The following PLXNA4 variants were observed in gnomAD, a reference collection of about 807,000 sequenced individuals.
PLXNA4 encodes the protein plexin-A4.
PLXNA4 carries 44 observed loss-of-function variants against 191.8 expected under a neutral mutation model. The ratio of observed to expected loss-of-function variants is 0.23; its 90% CI spans 0.18 to 0.29. PLXNA4 has a LOEUF of 0.29. Ranked by LOEUF, PLXNA4 falls within the 10% of genes least tolerant of loss-of-function variation. The probability of loss-of-function intolerance (pLI) is 1.00; values close to 1 mark genes in which losing one functional copy is unlikely to be tolerated. For synonymous variants in PLXNA4, 1,082 were observed against 1,009.5 expected (o/e 1.07, Z -1.36); for missense variants, 1,800 against 2,488.8 (o/e 0.72, Z 5.89).
chr7:132,473,108 A>T (rs1021246670), intron 3 of PLXNA4, among the ~76,000 whole-genome samples: 13 of 152,224 alleles, frequency 8.5e-5, no homozygotes, highest in Non-Finnish European at 5.9e-5. Flanking sequence ...TACTGAAAAT[A>T]AGACCAAATC....
At chr7:132,471,858 G>C (rs549269874) in intron 3 of PLXNA4, among the ~76,000 whole-genome samples, 42 of 152,254 alleles carry the variant, frequency 2.8e-4, no homozygotes, top group Admixed American at 8.5e-4. Flanking sequence ...GCAGGGCCAC[G>C]GCCTTTCTTA....
intron 2 of PLXNA4, among the ~76,000 whole-genome samples, chr7:132,610,850 T>C (rs907145038): frequency 1.3e-5 from 2 of 152,216 alleles, no homozygotes; most frequent in Non-Finnish European, 2.9e-5. Flanking sequence ...TTGAGTGCCA[T>C]GATACTGCCT....
intron 3 of PLXNA4, among the ~76,000 whole-genome samples, chr7:132,446,815 G>A (rs1795929021): frequency 6.6e-6 from 1 of 152,146 alleles, no homozygotes. Context: ...GTAAGCGGTA[G>A]ATCTGGGATT....
Position 132,250,275 on chromosome 7 carries a change from C to T in PLXNA4, c.1504-9109G>A, listed in dbSNP as rs144302683. 1.1e-3 allele frequency among the ~76,000 whole-genome samples: 171 copies of T among 152,228 alleles called. 1 individual carries two copies. The highest frequency in any genetic ancestry group is 4.0e-3 in the African/African-American group (167 of 41,538). On this transcript the variant is annotated intron_variant, in intron 4 of 31. Transcript: ENST00000321063. Reference sequence around the variant, plus strand: ...TAAAATGCCCCTGTGATGGGTGGTGCGAAGTCATCTCTCTTCACTCCACTA... The same window carrying T: ...TAAAATGCCCCTGTGATGGGTGGTGTGAAGTCATCTCTCTTCACTCCACTA...
intron 2 of PLXNA4, among the ~76,000 whole-genome samples, chr7:132,498,147 G>T (rs1411984822): frequency 6.6e-6 from 1 of 152,124 alleles, no homozygotes; most frequent in East Asian, 1.9e-4. Context: ...AGAGACAGAG[G>T]AGACAATGTT....
At chr7:132,563,507 C>T (rs1307588238) in intron 1 of PLXNA4, among the ~76,000 whole-genome samples, 6 of 46,052 alleles carry the variant, frequency 1.3e-4, no homozygotes, top group Admixed American at 5.1e-4. Context: ...TCCTCCTCCT[C>T]CTCCTCCTGC....
intron 2 of PLXNA4, among the ~76,000 whole-genome samples, chr7:132,642,575 A>G (rs1418695368): frequency 1.3e-5 from 2 of 152,016 alleles, no homozygotes; most frequent in Non-Finnish European, 2.9e-5. Flanking sequence ...CTTGAAGTTG[A>G]GGGCGAGGGA....
intron 31 of PLXNA4, among the ~76,000 whole-genome samples, chr7:132,132,497 T>TTTCTA (rs1159802824): frequency 0.013 from 1,415 of 111,824 alleles, 77 homozygotes; most frequent in African/African-American, 0.046. Flanking sequence ...GCTCTATTCT[T>TTTCTA]TTCTATTCTA....
At chr7:132,593,438 C>G (rs1802642309) in intron 2 of PLXNA4, among the ~76,000 whole-genome samples, 1 of 152,164 alleles carries the variant, frequency 6.6e-6, no homozygotes, top group Admixed American at 6.5e-5. Context: ...CTGGGTGTGT[C>G]CATCATGGAA....
intron 3 of PLXNA4, among the ~76,000 whole-genome samples, chr7:132,395,957 C>T (rs1019441973): frequency 5.9e-5 from 9 of 152,138 alleles, no homozygotes; most frequent in Admixed American, 1.3e-4. Context: ...AACTGGTATC[C>T]CAAGAGCTGC....
At chr7:132,319,769 C>T (rs915711199) in intron 3 of PLXNA4, among the ~76,000 whole-genome samples, 1 of 152,238 alleles carries the variant, frequency 6.6e-6, no homozygotes, top group African/African-American at 2.4e-5. Context: ...CGTGTAAGTT[C>T]CTGAAATGCA....
In PLXNA4 at chr7:132,349,531, G is replaced by A. The variant is rs142891353; in HGVS notation, c.1372-51309C>T. ...CTCATTCCCACTCCTAGATGTAATT[G>A]ATCATATTTGGAAAGGCCCTCAGGG... On this transcript the variant is annotated intron_variant, in intron 3 of 31. Transcript: ENST00000321063. 4.5e-4 allele frequency among the ~76,000 whole-genome samples: 68 copies of A among 152,268 alleles called. No homozygotes were observed. The East Asian group carries it at 0.011, about 24-fold the overall frequency.
chr7:132,313,555 C>A (rs1801829098), intron 3 of PLXNA4, among the ~76,000 whole-genome samples: 1 of 151,976 alleles, frequency 6.6e-6, no homozygotes, highest in Non-Finnish European at 1.5e-5. Flanking sequence ...GAATGGTGGG[C>A]CCAAGGAGCA....
At position 132,625,757 on chromosome 7, in the gene PLXNA4, A is replaced by G. The variant is rs187950363; in HGVS notation, c.-87+20171T>C. 6.6e-4 allele frequency among the ~76,000 whole-genome samples: 101 copies of G among 152,364 alleles called. 1 individual carries two copies. Among genetic ancestry groups the G allele is most frequent in the African/African-American group, 2.3e-3 (95 of 41,596 alleles). On this transcript the variant is annotated intron_variant, in intron 2 of 4. Transcript: ENST00000378539. Reference sequence around the variant, plus strand: ...TCATTGAAGAAGTCAGACACAAAGAAGTATGTTGGAATGGTAGATCAACAA... The same window carrying G: ...TCATTGAAGAAGTCAGACACAAAGAGGTATGTTGGAATGGTAGATCAACAA...
chr7:132,183,188 C>T (rs543165126), intron 16 of PLXNA4, among the ~76,000 whole-genome samples: 55 of 152,344 alleles, frequency 3.6e-4, no homozygotes, highest in Non-Finnish European at 6.6e-4. Flanking sequence ...GCTTCTCCCT[C>T]TCTCCTTGCT....
At chr7:132,174,663 C>A in intron 21 of PLXNA4, 115 bp downstream of exon 21, 2 of 1,489,546 alleles carry the variant, frequency 1.3e-6, no homozygotes, top group Non-Finnish European at 1.8e-6. Context: ...GGACCTTGGG[C>A]AAGTTGTGTC....
intron 3 of PLXNA4, among the ~76,000 whole-genome samples, chr7:132,340,716 T>C (rs556334845): frequency 1.3e-5 from 2 of 152,230 alleles, no homozygotes; most frequent in Non-Finnish European, 2.9e-5. Context: ...TTGTTTCTCA[T>C]GCCCAGGCTA....
intron 3 of PLXNA4, among the ~76,000 whole-genome samples, chr7:132,351,713 A>G (rs1803494380): frequency 6.6e-6 from 1 of 152,154 alleles, no homozygotes; most frequent in African/African-American, 2.4e-5. Context: ...CCAGCCAAGG[A>G]CCTAGAGTCC....
chr7:132,403,994 T>C lies in PLXNA4; in HGVS notation c.1371+85298A>G, dbSNP rs60336116. Among the ~76,000 whole-genome samples the C allele has an allele frequency of 3.1e-3, 473 of 152,284 alleles. 1 individual carries two copies. Among genetic ancestry groups the C allele is most frequent in the African/African-American group, 0.011 (449 of 41,566 alleles). On this transcript the variant is annotated intron_variant, in intron 3 of 31. Transcript: ENST00000321063. ...GAAGGTCAGAGCCGGATAACGGGTCTGTAGTTGGCCCTGCTGTTCTGGGGA... is the reference window on the plus strand; with the variant it reads ...GAAGGTCAGAGCCGGATAACGGGTCCGTAGTTGGCCCTGCTGTTCTGGGGA...
Sources: gnomAD v4.1 joint callset for allele counts (sites outside exome capture counted in the v4.1 genomes callset) on GRCh38, gnomAD v4.1.1 for gene constraint, MANE v1.5 for transcripts, NCBI Gene and HGNC (gene_info 2026-07-23, HGNC 2026-07-21) for gene names.